Variants in KCND2 observed in about 807,000 individuals in gnomAD.
KCND2 encodes the protein potassium voltage-gated channel subfamily D member 2.
A neutral mutation model predicts 54.4 loss-of-function variants in KCND2; 16 were observed. That is an observed-to-expected ratio of 0.29 (90% CI 0.20 to 0.45). The LOEUF (loss-of-function observed/expected upper bound fraction) is 0.45, where lower values mean the gene tolerates loss of function less well. Among genes scored for constraint, KCND2 ranks in the 20% least tolerant of loss-of-function variants. The pLI, the probability that KCND2 is intolerant of heterozygous loss-of-function variation, is 1.00. For synonymous variants in KCND2, 317 were observed against 310.7 expected, an observed-to-expected ratio of 1.02 and a Z score of -0.21; for missense variants, 486 against 824.2, an observed-to-expected ratio of 0.59 and a Z score of 5.02.
intron 1 of KCND2, among the ~76,000 whole-genome samples, chr7:120,593,213 G>A (rs1236219294): frequency 1.3e-5 from 2 of 152,122 alleles, no homozygotes; most frequent in East Asian, 1.9e-4. Flanking sequence ...CAGAGCAGAC[G>A]TTGGAACCCA....
At chr7:120,416,708 T>C (rs920087122) in intron 1 of KCND2, among the ~76,000 whole-genome samples, 1 of 151,726 alleles carries the variant, frequency 6.6e-6, no homozygotes, top group South Asian at 2.1e-4. Flanking sequence ...TGACTGAATG[T>C]TTATCAAGTA....
At chr7:120,407,312 T>C (rs1801376230) in intron 1 of KCND2, among the ~76,000 whole-genome samples, 3 of 151,976 alleles carry the variant, frequency 2.0e-5, no homozygotes, top group Admixed American at 1.3e-4. Flanking sequence ...AACAGTTTAT[T>C]AGAGAGTAAG....
Position 120,580,547 on chromosome 7 carries a change from C to T in KCND2, c.1116-152356C>T, listed in dbSNP as rs1792502190. Among the ~76,000 whole-genome samples the T allele has an allele frequency of 2.6e-5, 4 of 152,296 alleles. No individual in the cohort carries two copies. The South Asian group carries it at 8.3e-4, about 32-fold the overall frequency. On this transcript the variant is annotated intron_variant, in intron 1 of 5. Coordinates refer to ENST00000331113, the MANE Select transcript of KCND2 (RefSeq NM_012281.3). ...CATACTCAAGTGATAATTATTCAGA[C>T]AGTCCTGCATTGTTTACAAACACCT... is the stretch of plus-strand genomic sequence containing the variant.
intron 1 of KCND2, among the ~76,000 whole-genome samples, chr7:120,538,423 G>A (rs914352660): frequency 6.6e-6 from 1 of 152,150 alleles, no homozygotes; most frequent in Non-Finnish European, 1.5e-5. Flanking sequence ...ACATGCTGTT[G>A]GACAGGTGGT....
intron 1 of KCND2, among the ~76,000 whole-genome samples, chr7:120,677,524 T>TATATAC (rs1554384944): frequency 7.8e-6 from 1 of 128,976 alleles, no homozygotes; most frequent in Non-Finnish European, 1.6e-5. Context: ...CAAATATATA[T>TATATAC]ATATAGATAT....
rs779015408 is a variant in KCND2 at position 120,610,951 on chromosome 7, A to G, written c.1116-121952A>G. 1.3e-3 allele frequency among the ~76,000 whole-genome samples: 203 copies of G among 152,162 alleles called. 1 individual carries two copies. The highest frequency in any genetic ancestry group is 2.6e-3 in the Admixed American group (39 of 15,266). ...ATTCTCAGAACAACTCCAGCCTCAC[A>G]TCTACCAAAAGCCATTTCTCACATC... is the stretch of plus-strand genomic sequence containing the variant. On this transcript the variant is annotated intron_variant, in intron 1 of 5. Coordinates refer to ENST00000331113, the MANE Select transcript of KCND2 (RefSeq NM_012281.3).
chr7:120,636,168 T>C (rs932590507), intron 1 of KCND2, among the ~76,000 whole-genome samples: 8 of 152,146 alleles, frequency 5.3e-5, no homozygotes, highest in Non-Finnish European at 7.4e-5. Context: ...AGTTAACATA[T>C]ATATTGTGAT....
At chr7:120,655,352 C>T (rs1440372726) in intron 1 of KCND2, among the ~76,000 whole-genome samples, 1 of 151,932 alleles carries the variant, frequency 6.6e-6, no homozygotes, top group Admixed American at 6.6e-5. Flanking sequence ...CTACAGGACC[C>T]TTGGGATGCC....
At chr7:120,620,951 A>C (rs1328488322) in intron 1 of KCND2, among the ~76,000 whole-genome samples, 2 of 152,154 alleles carry the variant, frequency 1.3e-5, no homozygotes, top group Non-Finnish European at 2.9e-5. Flanking sequence ...AAACAACCAG[A>C]ATATAGTCAC....
At chr7:120,283,523 A>T (rs1403926494) in intron 1 of KCND2, among the ~76,000 whole-genome samples, 1 of 152,114 alleles carries the variant, frequency 6.6e-6, no homozygotes, top group Non-Finnish European at 1.5e-5. Context: ...TATTCAGGAG[A>T]TTATCTAAAA....
intron 1 of KCND2, among the ~76,000 whole-genome samples, chr7:120,372,819 T>C (rs910473704): frequency 1.3e-5 from 2 of 151,924 alleles, no homozygotes; most frequent in African/African-American, 4.8e-5. Flanking sequence ...AATTTAGTAC[T>C]GTCAAATACT....
intron 2 of KCND2, among the ~76,000 whole-genome samples, chr7:120,738,323 T>C (rs898350661): frequency 6.6e-6 from 1 of 152,098 alleles, no homozygotes; most frequent in East Asian, 1.9e-4. Flanking sequence ...TTCATCTGTT[T>C]GATTTAGATT....
At position 120,637,460 on chromosome 7, in the gene KCND2, T is replaced by C. The variant is rs566849661; in HGVS notation, c.1116-95443T>C. Among the ~76,000 whole-genome samples, 255 of 152,196 alleles carry C rather than the reference T, an allele frequency of 1.7e-3. 5 individuals carry two copies. The highest frequency in any genetic ancestry group is 5.9e-4 in the Non-Finnish European group (40 of 67,954). ...TTATTCAAATTTTTCTTTAAAGAAG[T>C]TTTATTTTTAAGCCATTGCAAGGCA... On this transcript the variant is annotated intron_variant, in intron 1 of 5. Transcript: ENST00000331113.
At chr7:120,326,334 C>A (rs1184423979) in intron 1 of KCND2, among the ~76,000 whole-genome samples, 1 of 152,028 alleles carries the variant, frequency 6.6e-6, no homozygotes, top group African/African-American at 2.4e-5. Context: ...AGAAATGACA[C>A]TCGTTTTAAC....
At chr7:120,539,090 A>G (rs1314245414) in intron 1 of KCND2, among the ~76,000 whole-genome samples, 1 of 152,168 alleles carries the variant, frequency 6.6e-6, no homozygotes, top group East Asian at 1.9e-4. Flanking sequence ...ATAAACACAT[A>G]TAGACTATAT....
chr7:120,356,972 G>A (rs1027302154), intron 1 of KCND2, among the ~76,000 whole-genome samples: 2 of 152,114 alleles, frequency 1.3e-5, no homozygotes, highest in Non-Finnish European at 2.9e-5. Context: ...CTTCCAGGCT[G>A]AGCTGTGCTT....
At chr7:120,681,222 G>A (rs1320351049) in intron 1 of KCND2, among the ~76,000 whole-genome samples, 1 of 152,032 alleles carries the variant, frequency 6.6e-6, no homozygotes, top group Non-Finnish European at 1.5e-5. Context: ...AGGATTCCAG[G>A]ACCTCTGCTG....
At chr7:120,396,314 C>T (rs1363018243) in intron 1 of KCND2, among the ~76,000 whole-genome samples, 6 of 151,954 alleles carry the variant, frequency 3.9e-5, no homozygotes, top group African/African-American at 1.4e-4. Context: ...TTCACAGAAT[C>T]GACTGGCATG....
At position 120,674,298 on chromosome 7, in the gene KCND2, C is replaced by T. The variant is rs1792030820; in HGVS notation, c.1116-58605C>T. 2.6e-5 allele frequency among the ~76,000 whole-genome samples: 4 copies of T among 152,134 alleles called. No individual in the cohort carries two copies. The South Asian group carries it at 8.3e-4, about 32-fold the overall frequency. On this transcript the variant is annotated intron_variant, in intron 1 of 5. Coordinates refer to ENST00000331113, the MANE Select transcript of KCND2 (RefSeq NM_012281.3). ...ATGACCTGCCACAGGCTAGCCTGAT[C>T]TAGGCGCTGCTCCAATAACAGCCAT...
Sources: gnomAD v4.1 joint callset for allele counts (sites outside exome capture counted in the v4.1 genomes callset) on GRCh38, gnomAD v4.1.1 for gene constraint, MANE v1.5 for transcripts, NCBI Gene and HGNC (gene_info 2026-07-23, HGNC 2026-07-21) for gene names.